Variants in SURF4 observed in about 807,000 individuals in gnomAD.
SURF4 encodes surfeit 4.
A neutral mutation model predicts 30.0 loss-of-function variants in SURF4; 3 were observed. The ratio of observed to expected loss-of-function variants is 0.10; its 90% confidence interval spans 0.05 to 0.26. The LOEUF is 0.26. Among genes scored for constraint, SURF4 ranks in the 10% least tolerant of loss-of-function variants. The pLI is 1.00. For missense variants in SURF4, 217 were observed against 350.8 expected, an observed-to-expected ratio of 0.62 and a Z score of 3.05; for synonymous variants, 143 against 139.9, an observed-to-expected ratio of 1.02 and a Z score of -0.16.
chr9:133,372,387 G>A (rs1837557287), intron 1 of SURF4, among the ~76,000 whole-genome samples: 3 of 152,210 alleles, frequency 2.0e-5, no homozygotes, highest in African/African-American at 4.8e-5. Flanking sequence ...AACAGGATGC[G>A]GACTCAGTCT....
At chr9:133,376,570 G>A (rs2130249599), upstream of SURF4, 1 of 1,584,264 alleles carries the variant, frequency 6.3e-7, no homozygotes, top group South Asian at 1.1e-5. Context: ...GGTGCCGAGT[G>A]TTCCCTGCGG....
At chr9:133,364,239 GGAAA>G (rs2130100223) in intron 5 of SURF4, among the ~76,000 whole-genome samples, 4 of 152,130 alleles carry the variant, frequency 2.6e-5, no homozygotes, top group East Asian at 1.9e-4. Context: ...CGAACAGTGA[GGAAA>G]GAAAGAAGAG....
In SURF4 at chr9:133,363,872, T is replaced by A; in HGVS notation, c.544-113A>T. ...GAAGTCTCTATCCATCAGGCTGATG[T>A]AGCTACTGCTGAGACGGCTGCTGGT... On this transcript the variant is annotated intron_variant, in intron 5 of 5. Transcript: ENST00000371989. This position sits in a 1 kb window ranked among gnomAD's most constrained non-coding sequence, Gnocchi z 4.3. The A allele has an allele frequency of 1.5e-6, 2 of 1,339,178 alleles. No homozygotes were observed. Among genetic ancestry groups the A allele is most frequent in the South Asian group, 1.2e-5 (1 of 82,112 alleles). 83.0% of individuals were successfully genotyped at this position (1,339,178 alleles called of 1,614,324 possible).
intron 2 of SURF4, 104 bp downstream of exon 2, chr9:133,367,155 G>T (rs1490377064): frequency 2.1e-6 from 3 of 1,401,062 alleles, no homozygotes; most frequent in Non-Finnish European, 2.9e-6. Context: ...ATGGAGGGGG[G>T]ACAGCAGTCC....
At position 133,362,331 on chromosome 9, in the gene SURF4, AT is replaced by A. The variant is rs1395520459; in HGVS notation, c.*1161del. 1 of 152,674 alleles carries A rather than the reference AT, an allele frequency of 6.5e-6. No individual in the cohort carries two copies. The highest frequency in any genetic ancestry group is 1.5e-5 in the Non-Finnish European group (1 of 68,048). The allele number at this position is 152,674 out of a possible 1,614,324, so 9.5% of individuals were successfully genotyped here. A position where few individuals can be genotyped will look rare whatever the true frequency, so the allele number is the denominator to read the frequency against. ...GCTCCCCCAAAAAGAGAAACACAGT[AT>A]AAGGCAGTGTTAGAAAACTTTAAAT... On this transcript the variant is annotated 3_prime_UTR_variant, in exon 6 of 6. Transcript: ENST00000371989.
Position 133,363,902 on chromosome 9 carries a change from G to T in SURF4, c.544-143C>A. The T allele has an allele frequency of 9.4e-7, 1 of 1,068,462 alleles. No homozygotes were observed. The highest frequency in any genetic ancestry group is 1.4e-6 in the Non-Finnish European group (1 of 704,976). 66.2% of individuals were successfully genotyped at this position (1,068,462 alleles called of 1,614,324 possible). On this transcript the variant is annotated intron_variant, in intron 5 of 5. Transcript: ENST00000371989. The surrounding 1 kb of genome is among the most constrained non-coding windows in gnomAD (Gnocchi z 4.3). Reference sequence around the variant, plus strand: ...ACTGCTGAGACGGCTGCTGGTGCAAGTAGGGAGATAAAAGCCAAAGGGAGG... The same window carrying T: ...ACTGCTGAGACGGCTGCTGGTGCAATTAGGGAGATAAAAGCCAAAGGGAGG...
At chr9:133,367,600 G>A (rs1370860751) in intron 1 of SURF4, 155 bp from the exon 2 acceptor site, 2 of 1,506,448 alleles carry the variant, frequency 1.3e-6, no homozygotes, top group Non-Finnish European at 1.8e-6. Flanking sequence ...AGACTAGGGG[G>A]CTCTCAGTGC....
intron 1 of SURF4, among the ~76,000 whole-genome samples, chr9:133,367,959 C>T (rs1408475709): frequency 1.3e-5 from 2 of 152,254 alleles, no homozygotes; most frequent in Non-Finnish European, 2.9e-5. Context: ...ATCCTGGGTG[C>T]TGCAGGCTAT....
chr9:133,376,423 G>C (rs1243647494), upstream of SURF4: 3 of 1,499,814 alleles, frequency 2.0e-6, no homozygotes, highest in African/African-American at 4.3e-5. Context: ...ACTGACCCAC[G>C]CGGGGTGGGG....
intron 4 of SURF4, among the ~76,000 whole-genome samples, chr9:133,365,710 T>G (rs143083946): frequency 1.3e-5 from 2 of 152,336 alleles, no homozygotes; most frequent in East Asian, 1.9e-4. Flanking sequence ...CTCAAACCAA[T>G]AGTTAACTGA....
intron 4 of SURF4, 86 bp from the exon 5 acceptor site, chr9:133,365,112 C>T (rs2130114066): frequency 1.5e-6 from 2 of 1,303,552 alleles, no homozygotes; most frequent in Non-Finnish European, 2.1e-6. Flanking sequence ...ACCTTGCTGC[C>T]AGTATAAGAA....
intron 5 of SURF4, among the ~76,000 whole-genome samples, chr9:133,364,099 T>TC (rs1239491951): frequency 6.6e-6 from 1 of 152,140 alleles, no homozygotes; most frequent in Non-Finnish European, 1.5e-5. Context: ...CTCTCCTCTC[T>TC]CCATGGCGCC....
chr9:133,373,069 T>C (rs940362719), intron 1 of SURF4, among the ~76,000 whole-genome samples: 5 of 152,212 alleles, frequency 3.3e-5, no homozygotes, highest in African/African-American at 1.2e-4. Flanking sequence ...GTTTTGTATG[T>C]GAGCAGCCCC....
At chr9:133,375,901 G>A in intron 1 of SURF4, 21 bp downstream of exon 1, 1 of 1,223,648 alleles carries the variant, frequency 8.2e-7, no homozygotes, top group Non-Finnish European at 1.0e-6. Context: ...CGGGGCCGGG[G>A]GAGGAGCCCG....
At chr9:133,371,122 A>G (rs1422063387) in intron 1 of SURF4, 1 of 985,022 alleles carries the variant, frequency 1.0e-6, no homozygotes, top group African/African-American at 1.8e-5. Context: ...CACACAGAAA[A>G]CTCCACTTTC....
At chr9:133,367,788 G>A (rs1837267439) in intron 1 of SURF4, among the ~76,000 whole-genome samples, 1 of 152,226 alleles carries the variant, frequency 6.6e-6, no homozygotes, top group South Asian at 2.1e-4. Context: ...CTTCCAAGGT[G>A]GCACTGCCAC....
intron 1 of SURF4, among the ~76,000 whole-genome samples, chr9:133,373,527 C>T (rs946507786): frequency 3.3e-5 from 5 of 151,834 alleles, no homozygotes; most frequent in South Asian, 2.1e-4. Flanking sequence ...AGCTTGAACC[C>T]GGGAGGCGGA....
upstream of SURF4, among the ~76,000 whole-genome samples, chr9:133,377,529 G>A (rs1838015185): frequency 1.3e-5 from 2 of 152,226 alleles, no homozygotes. Context: ...CAGGTGTGGT[G>A]GCGCATGCCT....
At chr9:133,376,426 G>A (rs2130247398), upstream of SURF4, 5 of 1,509,556 alleles carry the variant, frequency 3.3e-6, no homozygotes, top group South Asian at 3.8e-5. Flanking sequence ...GACCCACGCG[G>A]GGTGGGGCCA....
Sources: gnomAD v4.1 joint callset for allele counts (sites outside exome capture counted in the v4.1 genomes callset) on GRCh38, gnomAD v4.1.1 for gene constraint, Gnocchi (gnomAD v3.1) non-coding constraint, MANE v1.5 for transcripts, NCBI Gene and HGNC (gene_info 2026-07-23, HGNC 2026-07-21) for gene names.